EBF1: variants seen among roughly 807,000 people sequenced by gnomAD.
The protein encoded by EBF1 is transcription factor COE1.
In EBF1, 10 loss-of-function variants were observed where a neutral mutation model predicts 68.4. The observed-to-expected ratio is 0.15, with a 90% CI of 0.09 to 0.25. EBF1 has a LOEUF of 0.25. Among genes scored for constraint, EBF1 ranks in the 10% least tolerant of loss-of-function variants. EBF1 has a pLI of 1.00. For synonymous variants in EBF1, 298 were observed against 299.8 expected (o/e 0.99, Z 0.06); for missense variants, 509 against 794.4 (o/e 0.64, Z 4.32).
At chr5:158,901,735 A>G (rs1397287185) in intron 6 of EBF1, among the ~76,000 whole-genome samples, 1 of 152,200 alleles carries the variant, frequency 6.6e-6, no homozygotes, top group East Asian at 1.9e-4. Flanking sequence ...AAAGGGAGGT[A>G]TAGAGAATGC....
Position 158,696,023 on chromosome 5 carries a change from A to AGTT in EBF1, c.*3085_*3087dup. The AGTT allele has an allele frequency of 5.0e-6, 1 of 201,028 alleles. No individual in the cohort carries two copies. 12.5% of individuals were successfully genotyped at this position (201,028 alleles called of 1,614,324 possible). A position where few individuals can be genotyped will look rare whatever the true frequency, so the allele number is the denominator to read the frequency against. On this transcript the variant is annotated 3_prime_UTR_variant, in exon 16 of 16. Transcript: ENST00000313708. Reference sequence around the variant, plus strand: ...AAAAAAATTTAACAATCTCTACAGTAGTTAGGTTCTCTAACAATTGAACTG... The same window carrying AGTT: ...AAAAAAATTTAACAATCTCTACAGTAGTTGTTAGGTTCTCTAACAATTGAACTG...
chr5:159,087,923 C>T (rs375438415), intron 4 of EBF1, among the ~76,000 whole-genome samples: 1 of 152,228 alleles, frequency 6.6e-6, no homozygotes, highest in Non-Finnish European at 1.5e-5. Flanking sequence ...TTTCTTCTCT[C>T]CCTCTCCTTG....
chr5:159,079,667 A>G (rs1178321731), intron 5 of EBF1, among the ~76,000 whole-genome samples: 3 of 139,080 alleles, frequency 2.2e-5, no homozygotes, highest in African/African-American at 8.3e-5. Context: ...GCTGGAGTGC[A>G]GTGGCGCAAT....
chr5:158,720,680 T>C (rs1761755491), intron 11 of EBF1, among the ~76,000 whole-genome samples: 1 of 152,202 alleles, frequency 6.6e-6, no homozygotes, highest in South Asian at 2.1e-4. Context: ...TTAGAAGCCC[T>C]ATGACTGAGA....
At chr5:158,838,150 A>G (rs1216905807) in intron 7 of EBF1, among the ~76,000 whole-genome samples, 1 of 151,884 alleles carries the variant, frequency 6.6e-6, no homozygotes, top group Non-Finnish European at 1.5e-5. Context: ...GAAACTAGAA[A>G]CCTCCCCATT....
chr5:158,939,622 T>C (rs1408503675), intron 6 of EBF1, among the ~76,000 whole-genome samples: 2 of 152,190 alleles, frequency 1.3e-5, no homozygotes, highest in Admixed American at 1.3e-4. Flanking sequence ...CAGACTTTGC[T>C]CTGTGGTATG....
At chr5:158,943,710 C>T (rs1338955815) in intron 6 of EBF1, among the ~76,000 whole-genome samples, 1 of 152,088 alleles carries the variant, frequency 6.6e-6, no homozygotes, top group Admixed American at 6.6e-5. Context: ...AACTGTGAAC[C>T]ATCTCTGAAA....
intron 6 of EBF1, among the ~76,000 whole-genome samples, chr5:158,935,938 T>C (rs971287426): frequency 1.3e-5 from 2 of 151,678 alleles, no homozygotes; most frequent in African/African-American, 4.9e-5. Flanking sequence ...TGGGTGGCCA[T>C]TGTCTGAGAC....
At chr5:158,784,822 G>T (rs1436237196) in intron 9 of EBF1, among the ~76,000 whole-genome samples, 1 of 152,120 alleles carries the variant, frequency 6.6e-6, no homozygotes, top group African/African-American at 2.4e-5. Context: ...CTGGCAAGGT[G>T]GTTTTTAGAT....
At chr5:158,809,336 G>T (rs1782176354) in intron 8 of EBF1, among the ~76,000 whole-genome samples, 2 of 152,102 alleles carry the variant, frequency 1.3e-5, no homozygotes, top group South Asian at 4.1e-4. Flanking sequence ...GAGAATCCAT[G>T]TTGATTGATA....
chr5:159,073,677 G>A (rs1380926812), intron 5 of EBF1: 2 of 548,726 alleles, frequency 3.6e-6, no homozygotes, highest in South Asian at 2.4e-5. Flanking sequence ...AGAAGGAGGT[G>A]GGGGAGAGGG....
In EBF1 at chr5:159,024,445, G is replaced by A. The variant is rs538978974; in HGVS notation, c.554+48951C>T. 1.8e-4 allele frequency among the ~76,000 whole-genome samples: 28 copies of A among 152,016 alleles called. 1 individual carries two copies. In the South Asian group the frequency reaches 3.5e-3, roughly 19 times the overall value. ...TTGGAAAGCCCTTGACAGTCCTATCGAAAACCAAACCAAACAAAAAAAATC... is the reference window on the plus strand; with the variant it reads ...TTGGAAAGCCCTTGACAGTCCTATCAAAAACCAAACCAAACAAAAAAAATC... On this transcript the variant is annotated intron_variant, in intron 6 of 15. Coordinates refer to ENST00000313708, the MANE Select transcript of EBF1 (RefSeq NM_024007.5).
chr5:159,064,380 T>C (rs1453862417), intron 6 of EBF1, among the ~76,000 whole-genome samples: 5 of 152,118 alleles, frequency 3.3e-5, no homozygotes, highest in Non-Finnish European at 7.4e-5. Context: ...AAAAAATCAG[T>C]CTGGGAGATA....
intron 6 of EBF1, among the ~76,000 whole-genome samples, chr5:159,070,907 A>G (rs1392414276): frequency 6.6e-6 from 1 of 152,248 alleles, no homozygotes; most frequent in Non-Finnish European, 1.5e-5. Context: ...TTATGCAATC[A>G]GTAATATAGA....
At chr5:159,052,027 T>C (rs1773846975) in intron 6 of EBF1, among the ~76,000 whole-genome samples, 1 of 152,174 alleles carries the variant, frequency 6.6e-6, no homozygotes, top group Non-Finnish European at 1.5e-5. Flanking sequence ...TTATTATTAT[T>C]ATGGGCTCTT....
intron 6 of EBF1, among the ~76,000 whole-genome samples, chr5:159,009,782 A>G (rs1433120811): frequency 6.6e-6 from 1 of 152,074 alleles, no homozygotes; most frequent in African/African-American, 2.4e-5. Context: ...AAAAAAAAAA[A>G]AAAAGCAAAA....
intron 6 of EBF1, among the ~76,000 whole-genome samples, chr5:158,957,753 C>T (rs989974538): frequency 6.6e-6 from 1 of 152,194 alleles, no homozygotes; most frequent in African/African-American, 2.4e-5. Context: ...CCAAACATTT[C>T]ATAGTTCCTT....
intron 10 of EBF1, among the ~76,000 whole-genome samples, chr5:158,741,359 C>T (rs757945872): frequency 6.6e-6 from 1 of 152,070 alleles, no homozygotes; most frequent in Non-Finnish European, 1.5e-5. Flanking sequence ...AGGATAGCTG[C>T]AGCCCAAGAG....
At chr5:159,006,364 C>A (rs1429629471) in intron 6 of EBF1, among the ~76,000 whole-genome samples, 5 of 151,822 alleles carry the variant, frequency 3.3e-5, no homozygotes, top group African/African-American at 1.2e-4. Flanking sequence ...CACCCTTATC[C>A]CAGAGTGGTG....
Sources: allele counts gnomAD v4.1 joint callset (sites outside exome capture counted in the v4.1 genomes callset), GRCh38; gene constraint gnomAD v4.1.1; transcripts MANE v1.5; gene names NCBI Gene and HGNC (gene_info 2026-07-23, HGNC 2026-07-21).